The following NRP1 variants were observed in gnomAD, a reference collection of about 807,000 sequenced individuals.
NRP1 encodes neuropilin-1.
A neutral mutation model predicts 106.7 loss-of-function variants in NRP1; 35 were observed. That is an observed-to-expected ratio of 0.33 (90% confidence interval 0.25 to 0.43). NRP1 has a LOEUF of 0.43. NRP1 is among the 20% of genes least tolerant of loss of function. The pLI is 1.00. For synonymous variants in NRP1, 437 were observed against 417.9 expected (o/e 1.05, Z -0.56); for missense variants, 1,024 against 1,170.4 (o/e 0.87, Z 1.83).
chr10:33,329,444 C>T (rs1286843643), intron 2 of NRP1, among the ~76,000 whole-genome samples: 3 of 152,282 alleles, frequency 2.0e-5, no homozygotes, highest in Middle Eastern at 3.4e-3. Flanking sequence ...AACAGGTTGT[C>T]GAGCACTTCC....
chr10:33,298,712 T>A (rs1237585521), intron 2 of NRP1, among the ~76,000 whole-genome samples: 1 of 151,978 alleles, frequency 6.6e-6, no homozygotes, highest in East Asian at 1.9e-4. Context: ...GATCTTTTCA[T>A]CTTTTTATAC....
chr10:33,198,613 C>T (rs1368674111), intron 11 of NRP1, among the ~76,000 whole-genome samples: 5 of 152,096 alleles, frequency 3.3e-5, no homozygotes, highest in African/African-American at 7.2e-5. Flanking sequence ...GCCACCTTCT[C>T]GGTGACTTGG....
chr10:33,202,754 T>A, intron 11 of NRP1, 137 bp downstream of exon 11: 1 of 1,570,384 alleles, frequency 6.4e-7, no homozygotes, highest in African/African-American at 1.3e-5. Context: ...AAGATGCACG[T>A]GTTCTGGCAA....
At chr10:33,292,434 A>T (rs1190825700) in intron 2 of NRP1, among the ~76,000 whole-genome samples, 2 of 152,186 alleles carry the variant, frequency 1.3e-5, no homozygotes, top group African/African-American at 4.8e-5. Context: ...GGTTTTTAAA[A>T]TCTTCATTCA....
chr10:33,181,661 C>A (rs985965936), intron 16 of NRP1, among the ~76,000 whole-genome samples: 3 of 152,200 alleles, frequency 2.0e-5, no homozygotes, highest in Admixed American at 6.5e-5. Flanking sequence ...CACAAAGCAG[C>A]GTTCAGCAAA....
intron 2 of NRP1, among the ~76,000 whole-genome samples, chr10:33,306,543 C>T (rs1425699245): frequency 6.6e-6 from 1 of 152,162 alleles, no homozygotes; most frequent in African/African-American, 2.4e-5. Flanking sequence ...CATATCTTAT[C>T]CCTGTGGTCA....
chr10:33,266,018 A>C (rs1842894586), intron 3 of NRP1, among the ~76,000 whole-genome samples: 2 of 152,140 alleles, frequency 1.3e-5, no homozygotes, highest in African/African-American at 4.8e-5. Flanking sequence ...GAGACCTCCA[A>C]ACTCTTCCCT....
intron 9 of NRP1, among the ~76,000 whole-genome samples, chr10:33,208,221 G>T (rs1008617950): frequency 6.6e-6 from 1 of 151,920 alleles, no homozygotes; most frequent in Non-Finnish European, 1.5e-5. Context: ...CCACCACGCC[G>T]AGCTAATTTT....
chr10:33,213,073 C>T (rs1838442051), intron 9 of NRP1: 2 of 638,394 alleles, frequency 3.1e-6, no homozygotes, highest in Admixed American at 5.9e-5. Context: ...GCAAGGGGTT[C>T]TGAGCGCTGG....
chr10:33,318,484 GC>G (rs1847198061), intron 2 of NRP1, among the ~76,000 whole-genome samples: 1 of 152,134 alleles, frequency 6.6e-6, no homozygotes, highest in Non-Finnish European at 1.5e-5. Context: ...TGCTAGAACA[GC>G]TGAAGAGGGA....
intron 2 of NRP1, among the ~76,000 whole-genome samples, chr10:33,308,080 C>T (rs56220804): frequency 0.029 from 4,430 of 152,180 alleles, 96 homozygotes; most frequent in Non-Finnish European, 0.043. Flanking sequence ...ATGGACGCAG[C>T]TGGAGGCCAT....
At chr10:33,293,376 T>C (rs896618817) in intron 2 of NRP1, among the ~76,000 whole-genome samples, 18 of 152,332 alleles carry the variant, frequency 1.2e-4, no homozygotes, top group Admixed American at 5.2e-4. Context: ...GTTTGGACTG[T>C]TGCATCTTTA....
intron 2 of NRP1, among the ~76,000 whole-genome samples, chr10:33,277,806 ATTCT>A (rs1843817842): frequency 6.6e-6 from 1 of 152,302 alleles, no homozygotes; most frequent in African/African-American, 2.4e-5. Context: ...TTTATAAAGT[ATTCT>A]TTCTTTTTTA....
intron 15 of NRP1, among the ~76,000 whole-genome samples, chr10:33,184,021 C>CT (rs1296147294): frequency 2.0e-5 from 3 of 151,462 alleles, no homozygotes; most frequent in Non-Finnish European, 2.9e-5. Flanking sequence ...CTTCTTTTTT[C>CT]TTTTTTTTGA....
At chr10:33,298,461 A>G (rs1588948515) in intron 2 of NRP1, among the ~76,000 whole-genome samples, 2 of 152,176 alleles carry the variant, frequency 1.3e-5, no homozygotes, top group East Asian at 1.9e-4. Context: ...CTAACCATAT[A>G]GAGTGCCTGA....
chr10:33,285,805 C>G (rs945900087), intron 2 of NRP1, among the ~76,000 whole-genome samples: 1 of 151,828 alleles, frequency 6.6e-6, no homozygotes, highest in African/African-American at 2.4e-5. Context: ...TGCACTCCAG[C>G]CTGGGGGAGG....
intron 2 of NRP1, among the ~76,000 whole-genome samples, chr10:33,305,432 C>T (rs545510166): frequency 6.6e-6 from 1 of 152,264 alleles, no homozygotes; most frequent in African/African-American, 2.4e-5. Flanking sequence ...GGTGCATGCA[C>T]TCCCAAACAC....
At chr10:33,286,321 C>G (rs1426505570) in intron 2 of NRP1, among the ~76,000 whole-genome samples, 1 of 152,086 alleles carries the variant, frequency 6.6e-6, no homozygotes, top group Non-Finnish European at 1.5e-5. Context: ...GTGTGGGAAG[C>G]CTGTGTCACA....
intron 12 of NRP1, among the ~76,000 whole-genome samples, chr10:33,196,207 G>A (rs1054491330): frequency 2.0e-5 from 3 of 151,870 alleles, no homozygotes; most frequent in African/African-American, 7.3e-5. Flanking sequence ...CATAGTCAAG[G>A]AGAAGAGAGA....
Sources: allele counts gnomAD v4.1 joint callset (sites outside exome capture counted in the v4.1 genomes callset), GRCh38; gene constraint gnomAD v4.1.1; transcripts MANE v1.5; gene names NCBI Gene and HGNC (gene_info 2026-07-23, HGNC 2026-07-21).